The following DPP10 variants were observed in gnomAD, a reference collection of about 807,000 sequenced individuals.
The protein encoded by DPP10 is dipeptidyl peptidase like 10.
In DPP10, 33 loss-of-function variants were observed where a neutral mutation model predicts 120.9. That is an observed-to-expected ratio of 0.27 (90% CI 0.21 to 0.37). The LOEUF is 0.37. DPP10 is among the 10% of genes least tolerant of loss of function. DPP10 has a pLI of 1.00. For missense variants in DPP10, 816 were observed against 942.8 expected, an observed-to-expected ratio of 0.87 and a Z score of 1.76; for synonymous variants, 337 against 326.1, an observed-to-expected ratio of 1.03 and a Z score of -0.36.
chr2:115,715,684 A>G (rs1341325625), intron 7 of DPP10, among the ~76,000 whole-genome samples: 1 of 152,236 alleles, frequency 6.6e-6, no homozygotes, highest in African/African-American at 2.4e-5. Context: ...TGAACTGTAT[A>G]ATCATCACGT....
intron 3 of DPP10, among the ~76,000 whole-genome samples, chr2:115,382,043 G>C (rs1450776276): frequency 2.0e-5 from 3 of 152,212 alleles, no homozygotes; most frequent in Admixed American, 6.5e-5. Context: ...GGAGCCTACA[G>C]AGGCAGGCAG....
intron 1 of DPP10, among the ~76,000 whole-genome samples, chr2:114,963,031 A>G (rs1362656268): frequency 6.6e-6 from 1 of 152,226 alleles, no homozygotes; most frequent in East Asian, 1.9e-4. Context: ...ATGTCACAAG[A>G]TATATTTCTG....
At chr2:115,317,649 A>G (rs182827818) in intron 2 of DPP10, among the ~76,000 whole-genome samples, 44 of 149,404 alleles carry the variant, frequency 2.9e-4, no homozygotes, top group African/African-American at 1.0e-3. Flanking sequence ...TTTTTTTTCA[A>G]TTATGGGCAT....
intron 3 of DPP10, among the ~76,000 whole-genome samples, chr2:115,475,183 G>T (rs1411952035): frequency 6.6e-6 from 1 of 152,140 alleles, no homozygotes; most frequent in Non-Finnish European, 1.5e-5. Flanking sequence ...CAGAGACTTA[G>T]GAGGTCTGAA....
In DPP10 at chr2:115,590,202, T is replaced by C. The variant is rs1160224002; in HGVS notation, c.441+64230T>C. On this transcript the variant is annotated intron_variant, in intron 5 of 25. Coordinates refer to ENST00000410059, the MANE Select transcript of DPP10 (RefSeq NM_020868.6). ...TATTATTATACTTTAAGTTCTAGGG[T>C]ACATGTGCACAACGTGCAGGTTAGT... Among the ~76,000 whole-genome samples, 11 of 149,390 alleles carry C rather than the reference T, an allele frequency of 7.4e-5. No individual in the cohort carries two copies. The Admixed American group carries it at 7.4e-4, about 10-fold the overall frequency.
chr2:115,427,716 T>C (rs566316200), intron 3 of DPP10, among the ~76,000 whole-genome samples: 28 of 152,292 alleles, frequency 1.8e-4, no homozygotes, highest in African/African-American at 6.7e-4. Flanking sequence ...GTCTTGGCTA[T>C]TAGCACTTGA....
At chr2:115,732,456 C>A (rs1018417613) in intron 8 of DPP10, among the ~76,000 whole-genome samples, 2 of 151,712 alleles carry the variant, frequency 1.3e-5, no homozygotes, top group Non-Finnish European at 2.9e-5. Flanking sequence ...AAGTATAATG[C>A]ATTTTAAACA....
intron 12 of DPP10, among the ~76,000 whole-genome samples, chr2:115,767,856 G>T (rs1036274635): frequency 1.3e-5 from 2 of 152,106 alleles, no homozygotes; most frequent in African/African-American, 2.4e-5. Flanking sequence ...AGTAAGTACA[G>T]TTGCTGAAGA....
At chr2:114,565,048 A>G (rs1016244537) in intron 1 of DPP10, among the ~76,000 whole-genome samples, 1 of 152,182 alleles carries the variant, frequency 6.6e-6, no homozygotes. Context: ...AGCAATATAC[A>G]AGCAAATGTC....
intron 1 of DPP10, among the ~76,000 whole-genome samples, chr2:114,804,138 G>T (rs1684515165): frequency 6.6e-6 from 1 of 152,220 alleles, no homozygotes; most frequent in Admixed American, 6.5e-5. Flanking sequence ...GAGGGTGGAA[G>T]CCCCAAGCCT....
intron 3 of DPP10, among the ~76,000 whole-genome samples, chr2:115,417,990 G>A (rs1052456709): frequency 6.6e-6 from 1 of 152,140 alleles, no homozygotes; most frequent in Non-Finnish European, 1.5e-5. Flanking sequence ...CAATATGTGT[G>A]AGTTGGCTTT....
At chr2:114,677,423 T>C (rs1301661294) in intron 1 of DPP10, among the ~76,000 whole-genome samples, 1 of 152,138 alleles carries the variant, frequency 6.6e-6, no homozygotes, top group Non-Finnish European at 1.5e-5. Flanking sequence ...AATGTCTCAT[T>C]ACTGGGGGGC....
rs1383940422 is a variant in DPP10 at position 115,560,435 on chromosome 2, TATATATATATAC to T, written c.441+34464_441+34475del. ...ATATATATATATATATATATATATATATATATATATACGACAAGCTACTGATTTAAGGGCAAG... is the reference window on the plus strand; with the variant it reads ...ATATATATATATATATATATATATATGACAAGCTACTGATTTAAGGGCAAG... On this transcript the variant is annotated intron_variant, in intron 5 of 25. Transcript: ENST00000410059. 1.6e-3 allele frequency among the ~76,000 whole-genome samples: 125 copies of T among 80,036 alleles called. 2 individuals carry two copies. The highest frequency in any genetic ancestry group is 2.1e-3 in the Non-Finnish European group (93 of 44,480). The allele number at this position is 80,036 out of a possible 152,430, so 52.5% of individuals were successfully genotyped here. A position where few individuals can be genotyped will look rare whatever the true frequency, so the allele number is the denominator to read the frequency against.
chr2:115,133,143 GTGTATA>G (rs1298214721), intron 1 of DPP10, among the ~76,000 whole-genome samples: 671 of 31,956 alleles, frequency 0.021, 3 homozygotes, highest in Middle Eastern at 0.031. Flanking sequence ...GTGTGTGTGT[GTGTATA>G]TATATATATA....
intron 1 of DPP10, among the ~76,000 whole-genome samples, chr2:115,242,074 G>T (rs1176899436): frequency 6.6e-6 from 1 of 152,070 alleles, no homozygotes; most frequent in Non-Finnish European, 1.5e-5. Flanking sequence ...CTTTAGTGGT[G>T]ATTTGTGAGA....
chr2:115,376,024 A>G (rs2065766915), intron 3 of DPP10, among the ~76,000 whole-genome samples: 1 of 152,132 alleles, frequency 6.6e-6, no homozygotes, highest in Non-Finnish European at 1.5e-5. Flanking sequence ...AAAGCCCAGA[A>G]ATGAGGCATT....
Position 115,536,651 on chromosome 2 carries a change from A to T in DPP10, c.441+10679A>T, listed in dbSNP as rs936439289. ...AATTTAAGGTTCCTTTTGGTTTATG[A>T]TGCTATTTTATAGGACACGAATGCT... On this transcript the variant is annotated intron_variant, in intron 5 of 25. Transcript: ENST00000410059. Among the ~76,000 whole-genome samples, 3 of 152,156 alleles carry T rather than the reference A, an allele frequency of 2.0e-5. No homozygotes were observed. The East Asian group carries it at 5.8e-4, about 29-fold the overall frequency.
At chr2:114,531,620 A>C (rs1685994498) in intron 1 of DPP10, among the ~76,000 whole-genome samples, 1 of 137,904 alleles carries the variant, frequency 7.3e-6, no homozygotes, top group Non-Finnish European at 1.7e-5. Context: ...ATATACCTAT[A>C]CACACATATC....
chr2:114,942,338 TACGTATATATACATATATATATAC>T (rs1697000623), intron 1 of DPP10, among the ~76,000 whole-genome samples: 1 of 121,826 alleles, frequency 8.2e-6, no homozygotes, highest in African/African-American at 3.2e-5. Context: ...CATATATATA[TACGTATATATACATATATATATAC>T]ATATATATAC....
Sources: allele counts gnomAD v4.1 joint callset (sites outside exome capture counted in the v4.1 genomes callset), GRCh38; gene constraint gnomAD v4.1.1; transcripts MANE v1.5; gene names NCBI Gene and HGNC (gene_info 2026-07-23, HGNC 2026-07-21).